Variants in H3C4 observed in about 807,000 individuals in gnomAD.
The protein encoded by H3C4 is histone H3.1.
A neutral mutation model predicts 8.7 loss-of-function variants in H3C4; 10 were observed. That is an observed-to-expected ratio of 1.15 (90% confidence interval 0.71 to 1.96). H3C4 has a LOEUF of 1.96. Ranked by LOEUF, H3C4 falls within the 30% of genes most tolerant of loss-of-function variation. H3C4 has a pLI of 0.00. For missense variants in H3C4, 216 were observed against 192.9 expected (o/e 1.12, Z -0.71); for synonymous variants, 141 against 80.1 (o/e 1.76, Z -4.06).
chr6:26,199,277 G>A (rs199569193), upstream of H3C4: 716 of 1,577,944 alleles, frequency 4.5e-4, 1 homozygote, highest in East Asian at 0.012. Context: ...AAGCAATGAA[G>A]ACAAAAATGT....
At chr6:26,199,160 C>T, upstream of H3C4, 1 of 1,614,182 alleles carries the variant, frequency 6.2e-7, no homozygotes, top group Non-Finnish European at 8.5e-7. Flanking sequence ...GTACGCGGCC[C>T]ACAGGGAACT....
At position 26,197,262 on chromosome 6, in the gene H3C4, A is replaced by G; in HGVS notation, c.-12T>C. 2 of 1,600,816 alleles carry G rather than the reference A, an allele frequency of 1.2e-6. No homozygotes were observed. The highest frequency in any genetic ancestry group is 1.7e-6 in the Non-Finnish European group (2 of 1,176,488). Reference sequence around the variant, plus strand: ...TTGGTACGAGCCATTGCGAACTTCTAAACCCTGCTAAATGACGAAAAAACG... The same window carrying G: ...TTGGTACGAGCCATTGCGAACTTCTGAACCCTGCTAAATGACGAAAAAACG... On this transcript the variant is annotated 5_prime_UTR_variant, in exon 1 of 1. Transcript: ENST00000356476.
upstream of H3C4, chr6:26,199,191 C>G: frequency 6.2e-7 from 1 of 1,613,886 alleles, no homozygotes; most frequent in Non-Finnish European, 8.5e-7. Flanking sequence ...CCGCGAAGAG[C>G]GGGTCTTAGC....
upstream of H3C4, chr6:26,199,120 C>T: frequency 1.2e-6 from 2 of 1,614,204 alleles, no homozygotes; most frequent in East Asian, 2.2e-5. Flanking sequence ...CCGACTCGCT[C>T]GGAGTAGTTG....
upstream of H3C4, among the ~76,000 whole-genome samples, chr6:26,197,677 T>C (rs1765009449): frequency 6.6e-6 from 1 of 152,156 alleles, no homozygotes; most frequent in Non-Finnish European, 1.5e-5. Context: ...GAAAGGTTAA[T>C]TTCATATCTT....
chr6:26,197,191 C>A lies in H3C4; in HGVS notation c.60G>T (p.Gln20His). 6.2e-7 allele frequency: 1 copy of A among 1,614,108 alleles called. No individual in the cohort carries two copies. The highest frequency in any genetic ancestry group is 8.5e-7 in the Non-Finnish European group (1 of 1,179,994). The change falls in exon 1 of 1, where the codon CAG (glutamine) becomes CAT (histidine). Residue 20 changes from glutamine (Q) to histidine (H), a missense_variant. Gln to His is a conservative substitution (Grantham distance 24). Coordinates refer to ENST00000356476, the MANE Select transcript of H3C4 (RefSeq NM_001376937.1). ...KSTGGKAPRK[Q>H]LATKAARKSA... Reference sequence around the variant, plus strand: ...TCTTTCGAGCAGCCTTGGTGGCCAGCTGCTTGCGTGGCGCTTTCCCACCCG... The same window carrying A: ...TCTTTCGAGCAGCCTTGGTGGCCAGATGCTTGCGTGGCGCTTTCCCACCCG...
At position 26,197,014 on chromosome 6, in the gene H3C4, G is replaced by T. The variant is rs557343198; in HGVS notation, c.237C>A (p.Phe79Leu). 6 of 1,614,220 alleles carry T rather than the reference G, an allele frequency of 3.7e-6. No homozygotes were observed. Among genetic ancestry groups the T allele is most frequent in the East Asian group, 2.2e-5 (1 of 44,888 alleles). Residue 79 changes from phenylalanine to leucine, a missense_variant, in exon 1 of 1, where the codon TTC becomes TTA. Transcript: ENST00000356476. ...AGCTCTGAAAACGCAGATCAGTCTT[G>T]AAGTCCTGCGCGATCTCACGGACTA... is the stretch of plus-strand genomic sequence containing the variant. ...QRLVREIAQD[F>L]KTDLRFQSSA...
At position 26,197,267 on chromosome 6, in the gene H3C4, C is replaced by G. The variant is rs749985769; in HGVS notation, c.-17G>C. ...ACGAGCCATTGCGAACTTCTAAACC[C>G]TGCTAAATGACGAAAAAACGAAAGT... On this transcript the variant is annotated 5_prime_UTR_variant, in exon 1 of 1. Coordinates refer to ENST00000356476, the MANE Select transcript of H3C4 (RefSeq NM_001376937.1). 6.3e-7 allele frequency: 1 copy of G among 1,594,262 alleles called. No individual in the cohort carries two copies. The highest frequency in any genetic ancestry group is 8.5e-7 in the Non-Finnish European group (1 of 1,174,636).
In H3C4 at chr6:26,197,017, G is replaced by C. The variant is rs376537131; in HGVS notation, c.234C>G (p.Asp78Glu). 11 of 1,614,244 alleles carry C rather than the reference G, an allele frequency of 6.8e-6. No homozygotes were observed. The highest frequency in any genetic ancestry group is 9.3e-6 in the Non-Finnish European group (11 of 1,180,038). ...FQRLVREIAQ[D>E]FKTDLRFQSS... ...TCTGAAAACGCAGATCAGTCTTGAA[G>C]TCCTGCGCGATCTCACGGACTAGAC... Residue 78 changes from aspartate to glutamate, a missense_variant, in exon 1 of 1, where the codon GAC becomes GAG. Coordinates refer to ENST00000356476, the MANE Select transcript of H3C4 (RefSeq NM_001376937.1).
chr6:26,196,846 C>T lies in H3C4; in HGVS notation c.405G>A (p.Arg135=), dbSNP rs184040601. 3.1e-6 allele frequency: 5 copies of T among 1,614,182 alleles called. No individual in the cohort carries two copies. Among genetic ancestry groups the T allele is most frequent in the East Asian group, 2.2e-5 (1 of 44,884 alleles). ...CACACATTCACAAGACAATTTACGC[C>T]CTCTCCCCACGAATGCGGCGAGCAA... ...IQLARRIRGE[R]A The change falls in exon 1 of 1, where the codon AGG becomes AGA. Residue 135 remains arginine, a synonymous_variant. Coordinates refer to ENST00000356476, the MANE Select transcript of H3C4 (RefSeq NM_001376937.1).
Position 26,197,158 on chromosome 6 carries a change from T to G in H3C4, c.93A>C (p.Pro31=), listed in dbSNP as rs918385852. 5 of 1,614,046 alleles carry G rather than the reference T, an allele frequency of 3.1e-6. No individual in the cohort carries two copies. The highest frequency in any genetic ancestry group is 3.3e-5 in the Admixed American group (2 of 59,990). ...LATKAARKSA[P]ATGGVKKPHR... ...GGGGCTTCTTCACGCCGCCGGTGGC[T>G]GGAGCGCTCTTTCGAGCAGCCTTGG... Residue 31 remains proline (P), a synonymous_variant, in exon 1 of 1, where the codon CCA becomes CCC. Coordinates refer to ENST00000356476, the MANE Select transcript of H3C4 (RefSeq NM_001376937.1).
chr6:26,199,184 C>T (rs538895434), upstream of H3C4: 87 of 1,614,010 alleles, frequency 5.4e-5, no homozygotes, highest in Admixed American at 2.3e-4. Context: ...GTCCGGCCCG[C>T]GAAGAGCGGG....
rs761229676 is a variant in H3C4 at position 26,197,257 on chromosome 6, C to T, written c.-7G>A. 67 of 1,601,672 alleles carry T rather than the reference C, an allele frequency of 4.2e-5. No homozygotes were observed. Among genetic ancestry groups the T allele is most frequent in the Middle Eastern group, 1.7e-4 (1 of 6,040 alleles). On this transcript the variant is annotated 5_prime_UTR_variant, in exon 1 of 1. Coordinates refer to ENST00000356476, the MANE Select transcript of H3C4 (RefSeq NM_001376937.1). ...TCTGCTTGGTACGAGCCATTGCGAA[C>T]TTCTAAACCCTGCTAAATGACGAAA... is the stretch of plus-strand genomic sequence containing the variant.
chr6:26,199,205 A>T, upstream of H3C4: 1 of 1,609,566 alleles, frequency 6.2e-7, no homozygotes, highest in Non-Finnish European at 8.5e-7. Flanking sequence ...TCTTAGCCTT[A>T]GCTCGGGCCT....
In H3C4 at chr6:26,196,873, C is replaced by T; in HGVS notation, c.378G>A (p.Gln126=). 2 of 1,614,228 alleles carry T rather than the reference C, an allele frequency of 1.2e-6. No individual in the cohort carries two copies. Among genetic ancestry groups the T allele is most frequent in the Non-Finnish European group, 1.7e-6 (2 of 1,180,032 alleles). The part of the protein sequence containing the change: ...KRVTIMPKDI[Q]LARRIRGERA Reference sequence around the variant, plus strand: ...TCTCCCCACGAATGCGGCGAGCAAGCTGGATGTCCTTGGGCATGATAGTCA... The same window carrying T: ...TCTCCCCACGAATGCGGCGAGCAAGTTGGATGTCCTTGGGCATGATAGTCA... Residue 126 remains glutamine, a synonymous_variant, in exon 1 of 1, where the codon CAG becomes CAA. Transcript: ENST00000356476.
chr6:26,198,874 GAC>G (rs1561981639), upstream of H3C4: 6 of 1,613,968 alleles, frequency 3.7e-6, no homozygotes, highest in Middle Eastern at 4.9e-4. Flanking sequence ...GCCTTGTGGT[GAC>G]TCTCAGTCTT....
Position 26,196,928 on chromosome 6 carries a change from G to A in H3C4, c.323C>T (p.Thr108Ile). Residue 108 changes from threonine to isoleucine, a missense_variant, in exon 1 of 1, where the codon ACC becomes ATC. Thr to Ile is a moderately conservative substitution (Grantham distance 89, BLOSUM62 -1). Transcript: ENST00000356476. ...CTTGGCGTGAATGGCGCATAGGTTG[G>A]TGTCCTCAAACAGCCCCACCAGGTA... ...EAYLVGLFEDTNLCAIHAKRV... is the reference protein window; with the variant it reads ...EAYLVGLFEDINLCAIHAKRV... 1 of 1,614,266 alleles carries A rather than the reference G, an allele frequency of 6.2e-7. No individual in the cohort carries two copies. Among genetic ancestry groups the A allele is most frequent in the Admixed American group, 1.7e-5 (1 of 60,030 alleles).
chr6:26,198,893 G>C (rs145059830), upstream of H3C4: 2 of 1,614,214 alleles, frequency 1.2e-6, no homozygotes. Flanking sequence ...TCTTCTTGGG[G>C]AGCAGTACAG....
upstream of H3C4, among the ~76,000 whole-genome samples, chr6:26,198,192 T>C (rs536812560): frequency 2.0e-5 from 3 of 152,248 alleles, no homozygotes; most frequent in Admixed American, 6.5e-5. Flanking sequence ...TTTATGTAAA[T>C]GTAAACACTG....
Sources: allele counts gnomAD v4.1 joint callset (sites outside exome capture counted in the v4.1 genomes callset), GRCh38; gene constraint gnomAD v4.1.1; transcripts MANE v1.5; gene names NCBI Gene and HGNC (gene_info 2026-07-23, HGNC 2026-07-21).